RPGRIP1L: variants seen among roughly 807,000 people sequenced by gnomAD.
RPGRIP1L encodes protein fantom.
A neutral mutation model predicts 160.4 loss-of-function variants in RPGRIP1L; 131 were observed. The observed-to-expected ratio is 0.82, with a 90% CI of 0.71 to 0.94. The LOEUF (loss-of-function observed/expected upper bound fraction) is 0.94. Ranked by LOEUF, RPGRIP1L falls within the 40% of genes least tolerant of loss-of-function variation. The probability of loss-of-function intolerance (pLI) is 0.00; values close to 1 mark genes in which losing one functional copy is unlikely to be tolerated. For missense variants in RPGRIP1L, 1,522 were observed against 1,535.8 expected (o/e 0.99, Z 0.15); for synonymous variants, 510 against 515.8 (o/e 0.99, Z 0.15).
At position 53,672,925 on chromosome 16, in the gene RPGRIP1L, C is replaced by G; in HGVS notation, c.974G>C (p.Cys325Ser). The change falls in exon 8 of 27, where the codon TGC becomes TCC. Residue 325 changes from cysteine (C) to serine (S), a missense_variant. By Grantham distance (112) the Cys-to-Ser change is moderately radical. Coordinates refer to ENST00000647211, the MANE Select transcript of RPGRIP1L (RefSeq NM_015272.5). ...MQLKEQRLKC[C>S]SLEKQLHSMK... ...AGAATGTAATTGTTTCTCAAGACTG[C>G]AGCATTTTAAACGCTGCTCTTTAAG... is the stretch of plus-strand genomic sequence containing the variant. The G allele has an allele frequency of 1.2e-6, 2 of 1,612,996 alleles. No individual in the cohort carries two copies. Among genetic ancestry groups the G allele is most frequent in the Non-Finnish European group, 1.7e-6 (2 of 1,179,336 alleles).
At chr16:53,684,128 CTT>C (rs1400007412) in intron 6 of RPGRIP1L, among the ~76,000 whole-genome samples, 2 of 152,146 alleles carry the variant, frequency 1.3e-5, no homozygotes, top group African/African-American at 4.8e-5. Context: ...AATAGGAACA[CTT>C]TTACACTGTT....
intron 2 of RPGRIP1L, 102 bp downstream of exon 2, chr16:53,700,537 G>A: frequency 1.1e-6 from 1 of 895,054 alleles, no homozygotes; most frequent in Non-Finnish European, 1.8e-6. Context: ...GGACTATATA[G>A]TTACTTAAAT....
chr16:53,695,109 A>T (rs1598417561), intron 3 of RPGRIP1L: 1 of 485,326 alleles, frequency 2.1e-6, no homozygotes. Context: ...TGGCTATGAC[A>T]AATTACTAAT....
intron 12 of RPGRIP1L, 107 bp downstream of exon 12, chr16:53,658,307 G>A: frequency 1.2e-6 from 1 of 841,600 alleles, no homozygotes; most frequent in South Asian, 1.4e-5. Context: ...TTCAGAAGAT[G>A]CAAGAATAAT....
chr16:53,636,573 T>C (rs1965849052), intron 21 of RPGRIP1L, 61 bp from the exon 22 acceptor site: 1 of 1,153,548 alleles, frequency 8.7e-7, no homozygotes, highest in Non-Finnish European at 1.3e-6. Context: ...TTATACCCTG[T>C]AAAATAAAGA....
intron 3 of RPGRIP1L, chr16:53,693,453 C>T (rs773357321): frequency 2.6e-5 from 4 of 152,172 alleles, no homozygotes; most frequent in East Asian, 3.8e-4. Context: ...AAGCAGAGTC[C>T]GCTGTAAATG....
In RPGRIP1L at chr16:53,671,518, A is replaced by C; in HGVS notation, c.1095T>G (p.Leu365=). Reference sequence around the variant, plus strand: ...ATGGAATCACGATTTACCTGTCATAAAGTTTATCATAGTTTTCCTTTAAAA... The same window carrying C: ...ATGGAATCACGATTTACCTGTCATACAGTTTATCATAGTTTTCCTTTAAAA... ...RELLKENYDK[L]YDSAFSAAHE... The change falls in exon 9 of 27, where the codon CTT becomes CTG. Residue 365 remains leucine (L), a synonymous_variant. Transcript: ENST00000647211. 1 of 1,572,680 alleles carries C rather than the reference A, an allele frequency of 6.4e-7. No individual in the cohort carries two copies.
intron 19 of RPGRIP1L, among the ~76,000 whole-genome samples, chr16:53,640,179 A>C (rs1462651413): frequency 6.6e-6 from 1 of 152,220 alleles, no homozygotes; most frequent in Non-Finnish European, 1.5e-5. Context: ...ATGCCTGTGC[A>C]ATCAAGTGAA....
intron 3 of RPGRIP1L, chr16:53,693,711 G>A (rs1009868585): frequency 1.3e-5 from 2 of 152,134 alleles, no homozygotes; most frequent in African/African-American, 2.4e-5. Context: ...ATATCACTGG[G>A]AAATTTGGCC....
chr16:53,636,646 A>G lies in RPGRIP1L; in HGVS notation c.3221-134T>C. ...TGGTAATTATACCTAGATCTTTTTTAGTAGCAAATTTGTTTACAGACACAT... is the reference window on the plus strand; with the variant it reads ...TGGTAATTATACCTAGATCTTTTTTGGTAGCAAATTTGTTTACAGACACAT... On this transcript the variant is annotated intron_variant, in intron 21 of 26. Coordinates refer to ENST00000647211, the MANE Select transcript of RPGRIP1L (RefSeq NM_015272.5). 3.5e-6 allele frequency: 2 copies of G among 574,850 alleles called. 1 individual carries two copies. Among genetic ancestry groups the G allele is most frequent in the South Asian group, 5.4e-5 (2 of 37,002 alleles). 35.6% of individuals were successfully genotyped at this position (574,850 alleles called of 1,614,324 possible). A position where few individuals can be genotyped will look rare whatever the true frequency, so the allele number is the denominator to read the frequency against.
intron 26 of RPGRIP1L, among the ~76,000 whole-genome samples, chr16:53,604,760 G>T (rs1963568138): frequency 6.6e-6 from 1 of 152,130 alleles, no homozygotes; most frequent in African/African-American, 2.4e-5. Context: ...ACATTATCAG[G>T]ATCACTCAGA....
chr16:53,618,035 A>G (rs144482459), intron 24 of RPGRIP1L, among the ~76,000 whole-genome samples: 420 of 152,296 alleles, frequency 2.8e-3, no homozygotes, highest in Non-Finnish European at 4.7e-3. Context: ...GCCTGATATT[A>G]TTTTTTATTC....
Position 53,700,683 on chromosome 16 carries a change from A to C in RPGRIP1L, c.41T>G (p.Val14Gly). The change falls in exon 2 of 27, where the codon GTG (valine) becomes GGG (glycine). Residue 14 changes from valine (V) to glycine (G), a missense_variant. Transcript: ENST00000647211. ...AAAGAGGTTTAGACCTGTATCTTTC[A>C]CAGGCAAGTCTCCTGCAGTCTCATC... ...PTDETAGDLP[V>G]KDTGLNLFGM... The C allele has an allele frequency of 6.2e-7, 1 of 1,613,676 alleles. No homozygotes were observed. The highest frequency in any genetic ancestry group is 8.5e-7 in the Non-Finnish European group (1 of 1,179,822).
chr16:53,609,758 G>T (rs1420266616), intron 25 of RPGRIP1L, among the ~76,000 whole-genome samples: 1 of 152,030 alleles, frequency 6.6e-6, no homozygotes, highest in Non-Finnish European at 1.5e-5. Flanking sequence ...TTTGAAGGGG[G>T]CCCTGAAAGA....
At chr16:53,612,253 A>C (rs1964094708) in intron 24 of RPGRIP1L, among the ~76,000 whole-genome samples, 1 of 152,206 alleles carries the variant, frequency 6.6e-6, no homozygotes, top group Non-Finnish European at 1.5e-5. Flanking sequence ...CTGGATAGCC[A>C]AAGTCAAACA....
At chr16:53,666,079 G>A (rs1046668585) in intron 9 of RPGRIP1L, among the ~76,000 whole-genome samples, 5 of 152,110 alleles carry the variant, frequency 3.3e-5, no homozygotes, top group South Asian at 2.1e-4. Context: ...TGTTTTATAC[G>A]ATGATGAAGT....
intron 6 of RPGRIP1L, among the ~76,000 whole-genome samples, chr16:53,679,328 T>C (rs1351442160): frequency 1.3e-5 from 2 of 152,130 alleles, no homozygotes; most frequent in Non-Finnish European, 2.9e-5. Context: ...CATCTTCTTA[T>C]AGGGACCATT....
Position 53,602,101 on chromosome 16 carries a change from T to G in RPGRIP1L, c.3923A>C (p.Gln1308Pro). The G allele has an allele frequency of 6.2e-7, 1 of 1,612,750 alleles. No individual in the cohort carries two copies. The highest frequency in any genetic ancestry group is 8.5e-7 in the Non-Finnish European group (1 of 1,178,830). The change falls in exon 27 of 27, where the codon CAA (glutamine) becomes CCA (proline). Residue 1308 changes from glutamine (Q) to proline (P), a missense_variant. Gln to Pro is a moderately conservative substitution (Grantham distance 76, BLOSUM62 -1). Coordinates refer to ENST00000647211, the MANE Select transcript of RPGRIP1L (RefSeq NM_015272.5). Reference sequence around the variant, plus strand: ...TCAAGCCTCCAAGTCATCTCTGTATTGCTTGTAGACAGACTGGAGGGCATG... The same window carrying G: ...TCAAGCCTCCAAGTCATCTCTGTATGGCTTGTAGACAGACTGGAGGGCATG... ...ALHALQSVYK[Q>P]YRDDLEA
intron 1 of RPGRIP1L, 40 bp downstream of exon 1, chr16:53,703,763 C>G (rs1971736376): frequency 6.1e-6 from 2 of 327,106 alleles, no homozygotes; most frequent in African/African-American, 4.3e-5. Flanking sequence ...TCAGCAACCT[C>G]CACCCACCCT....
Sources: gnomAD v4.1 joint callset for allele counts (sites outside exome capture counted in the v4.1 genomes callset) on GRCh38, gnomAD v4.1.1 for gene constraint, MANE v1.5 for transcripts, NCBI Gene and HGNC (gene_info 2026-07-23, HGNC 2026-07-21) for gene names.